The following CACNA1C variants were observed in gnomAD, a reference collection of about 807,000 sequenced individuals.
CACNA1C encodes the protein calcium voltage-gated channel subunit alpha1 C, also known as voltage-dependent L-type calcium channel subunit alpha-1C.
CACNA1C carries 30 observed loss-of-function variants against 229.0 expected under a neutral mutation model. The ratio of observed to expected loss-of-function variants is 0.13; its 90% CI spans 0.10 to 0.18. CACNA1C has a LOEUF of 0.18. Ranked by LOEUF, CACNA1C falls within the 10% of genes least tolerant of loss-of-function variation. The pLI, the probability that CACNA1C is intolerant of heterozygous loss-of-function variation, is 1.00. For synonymous variants in CACNA1C, 1,114 were observed against 1,132.5 expected, an observed-to-expected ratio of 0.98 and a Z score of 0.33; for missense variants, 1,658 against 2,845.0, an observed-to-expected ratio of 0.58 and a Z score of 9.49.
rs1368935085 is a variant in CACNA1C, at chr12:2,376,990, T to C, written c.478-71986T>C. Among the ~76,000 whole-genome samples, 5 of 152,122 alleles carry C rather than the reference T, an allele frequency of 3.3e-5. No homozygotes were observed. The South Asian group carries it at 1.0e-3, about 32-fold the overall frequency. Reference sequence around the variant, plus strand: ...TGCTGGGGCCACCTGCTGCTGCTGTTGTCACGTTCTGTGCTCTGCCGCCAT... The same window carrying C: ...TGCTGGGGCCACCTGCTGCTGCTGTCGTCACGTTCTGTGCTCTGCCGCCAT... On this transcript the variant is annotated intron_variant, in intron 3 of 46. Coordinates refer to ENST00000399655, the MANE Select transcript of CACNA1C (RefSeq NM_000719.7).
At chr12:2,074,673 C>T (rs967650312) in intron 1 of CACNA1C, among the ~76,000 whole-genome samples, 2 of 152,142 alleles carry the variant, frequency 1.3e-5, no homozygotes, top group Non-Finnish European at 2.9e-5. Context: ...AAGATGTTGC[C>T]CTTTCCGCAG....
chr12:2,539,665 T>C lies in CACNA1C; in HGVS notation c.1391-10278T>C, dbSNP rs11062264. 1.2e-3 allele frequency among the ~76,000 whole-genome samples: 6 copies of C among 4,922 alleles called. 1 individual carries two copies. The highest frequency in any genetic ancestry group is 2.1e-3 in the Admixed American group (1 of 472). The allele number at this position is 4,922 out of a possible 152,430, so 3.2% of individuals were successfully genotyped here. Reference sequence around the variant, plus strand: ...GCAGGGTTTAAGGACTTAAGGAGGGTTTCATAAAGATGCAGGCAGGGTTTA... The same window carrying C: ...GCAGGGTTTAAGGACTTAAGGAGGGCTTCATAAAGATGCAGGCAGGGTTTA... On this transcript the variant is annotated intron_variant, in intron 9 of 46. Coordinates refer to ENST00000399655, the MANE Select transcript of CACNA1C (RefSeq NM_000719.7).
At chr12:2,533,047 G>A (rs1461244827) in intron 9 of CACNA1C, among the ~76,000 whole-genome samples, 1 of 152,136 alleles carries the variant, frequency 6.6e-6, no homozygotes, top group East Asian at 1.9e-4. Context: ...TCTAAGATTC[G>A]GGCAAAGAGG....
At chr12:2,589,413 A>G (rs989928348) in intron 18 of CACNA1C, among the ~76,000 whole-genome samples, 5 of 152,254 alleles carry the variant, frequency 3.3e-5, no homozygotes, top group Admixed American at 6.5e-5. Flanking sequence ...AGAACTAGAC[A>G]TGGAATCGGA....
chr12:2,454,468 A>G (rs2099404104), intron 4 of CACNA1C, among the ~76,000 whole-genome samples: 1 of 151,678 alleles, frequency 6.6e-6, no homozygotes, highest in South Asian at 2.1e-4. Flanking sequence ...CACCATGTCC[A>G]CCCTCCTTCC....
intron 3 of CACNA1C, among the ~76,000 whole-genome samples, chr12:2,356,077 A>G (rs1034100552): frequency 2.0e-5 from 3 of 152,224 alleles, no homozygotes; most frequent in African/African-American, 7.2e-5. Context: ...ATGGAATCAA[A>G]TCGAATTGAA....
chr12:2,582,358 T>C (rs2060842204), intron 14 of CACNA1C, among the ~76,000 whole-genome samples: 1 of 152,160 alleles, frequency 6.6e-6, no homozygotes, highest in Admixed American at 6.5e-5. Flanking sequence ...CAAAGTGGCA[T>C]CTATTTAAGT....
chr12:2,326,856 TAA>T (rs539769428), intron 3 of CACNA1C, among the ~76,000 whole-genome samples: 34 of 152,362 alleles, frequency 2.2e-4, no homozygotes, highest in African/African-American at 7.9e-4. Flanking sequence ...CAATTGTCCT[TAA>T]CCAGGGTAGG....
rs1355868986 is a variant in CACNA1C at position 2,287,307 on chromosome 12, C to G, written c.478-161669C>G. ...TTCCTGCTCGTCTGGATTGTGATTG[C>G]GACCCGTGCCTCATGGAGTGTCGCT... is the stretch of plus-strand genomic sequence containing the variant. On this transcript the variant is annotated intron_variant, in intron 3 of 46. Coordinates refer to ENST00000399655, the MANE Select transcript of CACNA1C (RefSeq NM_000719.7). The surrounding 1 kb of genome is among the most constrained non-coding windows in gnomAD (Gnocchi z 4.6). 3.3e-5 allele frequency among the ~76,000 whole-genome samples: 5 copies of G among 152,198 alleles called. No homozygotes were observed. Among genetic ancestry groups the G allele is most frequent in the East Asian group, 3.9e-4 (2 of 5,192 alleles).
chr12:2,534,109 G>A (rs2099847467), intron 9 of CACNA1C, among the ~76,000 whole-genome samples: 1 of 152,098 alleles, frequency 6.6e-6, no homozygotes, highest in Non-Finnish European at 1.5e-5. Context: ...GGGAGTGGTG[G>A]GGATGGAATT....
intron 7 of CACNA1C, among the ~76,000 whole-genome samples, chr12:2,496,844 G>A (rs1275531635): frequency 6.6e-6 from 1 of 152,182 alleles, no homozygotes; most frequent in Non-Finnish European, 1.5e-5. Flanking sequence ...ACTCGGGTTT[G>A]GTGTATAGTT....
intron 3 of CACNA1C, among the ~76,000 whole-genome samples, chr12:2,356,440 T>A (rs1221871987): frequency 6.6e-6 from 1 of 152,224 alleles, no homozygotes; most frequent in Non-Finnish European, 1.5e-5. Context: ...TCCTCAGTGT[T>A]CTCACATTGG....
At chr12:2,166,396 C>A (rs2096233627) in intron 3 of CACNA1C, among the ~76,000 whole-genome samples, 1 of 152,212 alleles carries the variant, frequency 6.6e-6, no homozygotes, top group African/African-American at 2.4e-5. Flanking sequence ...ATCAATTCTT[C>A]ATATAGCCTT....
At chr12:2,355,333 A>G (rs905696720) in intron 3 of CACNA1C, among the ~76,000 whole-genome samples, 1 of 151,866 alleles carries the variant, frequency 6.6e-6, no homozygotes, top group African/African-American at 2.4e-5. Context: ...TGTGTCCCTG[A>G]GTGCCCATCC....
intron 29 of CACNA1C, among the ~76,000 whole-genome samples, chr12:2,617,031 C>T (rs1473094224): frequency 6.6e-6 from 1 of 152,260 alleles, no homozygotes; most frequent in African/African-American, 2.4e-5. Flanking sequence ...ACAGTCTTGT[C>T]TGCTTTGAAG....
chr12:2,284,389 C>T (rs780420485), intron 3 of CACNA1C, among the ~76,000 whole-genome samples: 6 of 150,842 alleles, frequency 4.0e-5, no homozygotes, highest in African/African-American at 1.2e-4. Flanking sequence ...GTTACACAAG[C>T]GGCTGCTGCC....
At chr12:2,136,363 G>A (rs1319653001) in intron 3 of CACNA1C, among the ~76,000 whole-genome samples, 1 of 151,390 alleles carries the variant, frequency 6.6e-6, no homozygotes, top group South Asian at 2.1e-4. Flanking sequence ...GATGAGGAAG[G>A]GGCACAGGGC....
chr12:2,655,331 C>A, intron 34 of CACNA1C, 93 bp downstream of exon 34: 1 of 750,698 alleles, frequency 1.3e-6, no homozygotes, highest in East Asian at 2.7e-5. Flanking sequence ...AACTGCTTCC[C>A]GGGGAGTAGG....
intron 5 of CACNA1C, among the ~76,000 whole-genome samples, chr12:2,464,288 A>G (rs375098099): frequency 3.9e-5 from 6 of 152,298 alleles, no homozygotes; most frequent in Non-Finnish European, 5.9e-5. Flanking sequence ...AGGTGCGGGG[A>G]CAGAGGTAGA....
Sources: allele counts gnomAD v4.1 joint callset (sites outside exome capture counted in the v4.1 genomes callset), GRCh38; gene constraint gnomAD v4.1.1; non-coding constraint Gnocchi (gnomAD v3.1); transcripts MANE v1.5; gene names NCBI Gene and HGNC (gene_info 2026-07-23, HGNC 2026-07-21).